CREBRF: variants seen among roughly 807,000 people sequenced by gnomAD.
The protein encoded by CREBRF is UPF0474 protein C5orf41.
In CREBRF, 5 loss-of-function variants were observed where a neutral mutation model predicts 66.1. The ratio of observed to expected loss-of-function variants is 0.08; its 90% CI spans 0.04 to 0.16. CREBRF has a LOEUF of 0.16. CREBRF is among the 10% of genes least tolerant of loss of function. The pLI, the probability that CREBRF is intolerant of heterozygous loss-of-function variation, is 1.00. For missense variants in CREBRF, 531 were observed against 744.9 expected (o/e 0.71, Z 3.34); for synonymous variants, 229 against 264.4 (o/e 0.87, Z 1.30).
chr5:173,090,663 A>G lies in CREBRF; in HGVS notation c.484A>G (p.Ser162Gly). ...CCTTTATTACCCCGATTCACTTTTC[A>G]GTGTCAAACAAAATCCCTTACCCTC... Reference protein sequence around the residue: ...DSLYYPDSLFSVKQNPLPSSF... With the variant: ...DSLYYPDSLFGVKQNPLPSSF... Residue 162 changes from serine (S) to glycine (G), a missense_variant, in exon 4 of 9, where the codon AGT (serine) becomes GGT (glycine). Ser to Gly is a moderately conservative substitution (Grantham distance 56). This residue lies in a region of CREBRF where 133 missense variants were observed against 215.6 expected (regional missense o/e 0.62). Coordinates refer to ENST00000296953, the MANE Select transcript of CREBRF (RefSeq NM_153607.3). The surrounding 1 kb of genome is among the most constrained non-coding windows in gnomAD (Gnocchi z 4.5). 6.2e-7 allele frequency: 1 copy of G among 1,614,172 alleles called. No homozygotes were observed. Among genetic ancestry groups the G allele is most frequent in the Non-Finnish European group, 8.5e-7 (1 of 1,180,022 alleles).
rs557777719 is a variant in CREBRF, at chr5:173,105,820, G to T, written c.1223-2804G>T. Reference sequence around the variant, plus strand: ...TTTTTAGTAGAGATGGGGTTTCATCGTGTGAGCCAGGATAGTCTCAATCTC... The same window carrying T: ...TTTTTAGTAGAGATGGGGTTTCATCTTGTGAGCCAGGATAGTCTCAATCTC... On this transcript the variant is annotated intron_variant, in intron 4 of 8. Transcript: ENST00000296953. 1.5e-4 allele frequency among the ~76,000 whole-genome samples: 22 copies of T among 148,456 alleles called. No individual in the cohort carries two copies. In the East Asian group the frequency reaches 4.4e-3, roughly 30 times the overall value.
intron 7 of CREBRF, among the ~76,000 whole-genome samples, chr5:173,113,461 C>T (rs1177965047): frequency 1.3e-5 from 2 of 152,088 alleles, no homozygotes; most frequent in Admixed American, 1.3e-4. Context: ...GGCCCACGCA[C>T]CACACCTTGC....
chr5:173,058,707 G>C (rs1425051931), intron 1 of CREBRF, among the ~76,000 whole-genome samples: 3 of 148,280 alleles, frequency 2.0e-5, no homozygotes, highest in Non-Finnish European at 4.4e-5. Flanking sequence ...GGACGGTCTC[G>C]ATCTCCTGAC....
intron 1 of CREBRF, among the ~76,000 whole-genome samples, chr5:173,060,804 A>G (rs151065135): frequency 3.3e-5 from 5 of 151,848 alleles, no homozygotes; most frequent in South Asian, 2.1e-4. Context: ...CAACTACTCA[A>G]CTTTGAATCT....
chr5:173,123,307 C>G (rs996892856), intron 8 of CREBRF, 105 bp downstream of exon 8: 2 of 1,088,432 alleles, frequency 1.8e-6, no homozygotes, highest in African/African-American at 3.4e-5. Flanking sequence ...AACTCAAGTG[C>G]TCTCATTGTA....
chr5:173,130,873 GT>G (rs1322308511), intron 8 of CREBRF, among the ~76,000 whole-genome samples: 1 of 151,756 alleles, frequency 6.6e-6, no homozygotes, highest in Non-Finnish European at 1.5e-5. Flanking sequence ...CCTGGCTAAT[GT>G]TTTTGCATTT....
intron 8 of CREBRF, among the ~76,000 whole-genome samples, chr5:173,128,212 A>G (rs1581051170): frequency 6.6e-6 from 1 of 152,024 alleles, no homozygotes; most frequent in Non-Finnish European, 1.5e-5. Flanking sequence ...TTTAGGTTTG[A>G]TTTACTCTTT....
At chr5:173,117,599 T>TTCCTTCCTTCCTTCCTTCCTTCCTTCCC (rs1759027413) in intron 7 of CREBRF, among the ~76,000 whole-genome samples, 2 of 41,970 alleles carry the variant, frequency 4.8e-5, no homozygotes, top group Non-Finnish European at 1.1e-4. Context: ...CCTTCCTTCC[T>TTCCTTCCTTCCTTCCTTCCTTCCTTCCC]TCCATCCCTC....
intron 4 of CREBRF, among the ~76,000 whole-genome samples, chr5:173,096,367 C>CT (rs1357227516): frequency 6.6e-6 from 1 of 151,886 alleles, no homozygotes; most frequent in East Asian, 1.9e-4. Flanking sequence ...TCTTTGTTTT[C>CT]TTTCTTCCCC....
chr5:173,066,311 T>A (rs1054213379), intron 1 of CREBRF, among the ~76,000 whole-genome samples: 1 of 152,216 alleles, frequency 6.6e-6, no homozygotes, highest in African/African-American at 2.4e-5. Context: ...AGATGCTACT[T>A]CTTCAAAGGC....
At chr5:173,094,718 C>T (rs1758437654) in intron 4 of CREBRF, among the ~76,000 whole-genome samples, 1 of 152,052 alleles carries the variant, frequency 6.6e-6, no homozygotes, top group African/African-American at 2.4e-5. Context: ...ATTTTTCTTT[C>T]ATTTCATAGG....
chr5:173,125,103 A>G lies in CREBRF; in HGVS notation c.1804+1901A>G, dbSNP rs561205757. On this transcript the variant is annotated intron_variant, in intron 8 of 8. Transcript: ENST00000296953. ...CTGGCTAATTTTTGTATTTTTTAGTAGAGGTGGGGTTTCACCATGTTGGCC... is the reference window on the plus strand; with the variant it reads ...CTGGCTAATTTTTGTATTTTTTAGTGGAGGTGGGGTTTCACCATGTTGGCC... Among the ~76,000 whole-genome samples, 30 of 151,870 alleles carry G rather than the reference A, an allele frequency of 2.0e-4. No homozygotes were observed. In the South Asian group the frequency reaches 6.2e-3, roughly 32 times the overall value.
rs70984946 is a variant in CREBRF, at chr5:173,129,106, C to CTTTTT, written c.1805-4500_1805-4496dup. Among the ~76,000 whole-genome samples the CTTTTT allele has an allele frequency of 6.0e-4, 32 of 53,704 alleles. 6 individuals carry two copies. Among genetic ancestry groups the CTTTTT allele is most frequent in the African/African-American group, 2.0e-3 (24 of 12,266 alleles). The allele number at this position is 53,704 out of a possible 152,430, so 35.2% of individuals were successfully genotyped here. On this transcript the variant is annotated intron_variant, in intron 8 of 8. Coordinates refer to ENST00000296953, the MANE Select transcript of CREBRF (RefSeq NM_153607.3). The stretch of plus-strand genomic sequence containing the variant: ...CTGAATCATTTTATATTAGTTACAT[C>CTTTTT]TTTTTTTTTTTTTTTTTTTTTTTTT...
rs1052039095 is a variant in CREBRF at position 173,080,795 on chromosome 5, C to T, written c.9+11C>T. 1 of 1,612,950 alleles carries T rather than the reference C, an allele frequency of 6.2e-7. No homozygotes were observed. The highest frequency in any genetic ancestry group is 1.7e-5 in the Admixed American group (1 of 59,940). On this transcript the variant is annotated intron_variant, in intron 2 of 8. Transcript: ENST00000296953. Reference sequence around the variant, plus strand: ...TTGGAAATGCCTCAGGTAAATCATACAGAGTAGGTGCAAAGTTTTTTATTT... The same window carrying T: ...TTGGAAATGCCTCAGGTAAATCATATAGAGTAGGTGCAAAGTTTTTTATTT...
rs1759579719 is a variant in CREBRF, at chr5:173,135,891, C to T, written c.*2146C>T. 1 of 152,430 alleles carries T rather than the reference C, an allele frequency of 6.6e-6. No individual in the cohort carries two copies. The highest frequency in any genetic ancestry group is 1.5e-5 in the Non-Finnish European group (1 of 67,938). The allele number at this position is 152,430 out of a possible 1,614,324, so 9.4% of individuals were successfully genotyped here. A position where few individuals can be genotyped will look rare whatever the true frequency, so the allele number is the denominator to read the frequency against. On this transcript the variant is annotated 3_prime_UTR_variant, in exon 9 of 9. Transcript: ENST00000296953. ...TTTCTATGTGTTTGGTGGAAATGTACCTGGTTTGTACATTCACGCTAAACA... is the reference window on the plus strand; with the variant it reads ...TTTCTATGTGTTTGGTGGAAATGTATCTGGTTTGTACATTCACGCTAAACA...
rs185499402 is a variant in CREBRF at position 173,135,200 on chromosome 5, A to G, written c.*1455A>G. The G allele has an allele frequency of 3.7e-4, 57 of 152,616 alleles. No homozygotes were observed. The highest frequency in any genetic ancestry group is 1.3e-3 in the African/African-American group (56 of 41,566). 9.5% of individuals were successfully genotyped at this position (152,616 alleles called of 1,614,324 possible). ...ATCAACACAGGCTAAAACAAAAACA[A>G]TTTATAGATTTTTATATTTTTGTAC... is the stretch of plus-strand genomic sequence containing the variant. On this transcript the variant is annotated 3_prime_UTR_variant, in exon 9 of 9. Coordinates refer to ENST00000296953, the MANE Select transcript of CREBRF (RefSeq NM_153607.3).
intron 8 of CREBRF, among the ~76,000 whole-genome samples, chr5:173,128,884 C>T (rs917668350): frequency 2.0e-5 from 3 of 149,368 alleles, no homozygotes; most frequent in African/African-American, 4.9e-5. Flanking sequence ...GGGCTCACAC[C>T]ATTCTCCTGC....
At chr5:173,076,855 C>G (rs990729984) in intron 1 of CREBRF, among the ~76,000 whole-genome samples, 1 of 151,214 alleles carries the variant, frequency 6.6e-6, no homozygotes, top group African/African-American at 2.4e-5. Flanking sequence ...GACCTCTGGT[C>G]ACATGAAAGA....
intron 1 of CREBRF, among the ~76,000 whole-genome samples, chr5:173,069,804 T>C (rs1163848967): frequency 6.6e-6 from 1 of 152,102 alleles, no homozygotes; most frequent in African/African-American, 2.4e-5. Flanking sequence ...TTTATGCTGG[T>C]GGTATAGCCT....
Sources: gnomAD v4.1 joint callset for allele counts (sites outside exome capture counted in the v4.1 genomes callset) on GRCh38, gnomAD v4.1.1 for gene constraint, gnomAD v4.1.1 regional missense constraint, Gnocchi (gnomAD v3.1) non-coding constraint, MANE v1.5 for transcripts, NCBI Gene and HGNC (gene_info 2026-07-23, HGNC 2026-07-21) for gene names.